TTC13: variants seen among roughly 807,000 people sequenced by gnomAD.
TTC13 encodes tetratricopeptide repeat domain 13, also known as tetratricopeptide repeat protein 13.
TTC13 carries 62 observed loss-of-function variants against 120.0 expected under a neutral mutation model. That is an observed-to-expected ratio of 0.52 (90% CI 0.42 to 0.64). The LOEUF (loss-of-function observed/expected upper bound fraction) is 0.64, where lower values mean the gene tolerates loss of function less well. Ranked by LOEUF, TTC13 falls within the 30% of genes least tolerant of loss-of-function variation. The pLI, the probability that TTC13 is intolerant of heterozygous loss-of-function variation, is 0.00. For missense variants in TTC13, 824 were observed against 1,050.2 expected (o/e 0.78, Z 2.98); for synonymous variants, 384 against 393.5 (o/e 0.98, Z 0.28).
rs1212351420 is a variant in TTC13, at chr1:230,943,826, C to T, written c.652G>A (p.Val218Ile). The stretch of plus-strand genomic sequence containing the variant: ...CTCACTTCTGCTCGCTGCTCAAATA[C>T]CTCTGGACGATCTGGTTCCAAGGTA... ...VITLEPDRPE[V>I]FEQRAEILSP... is the part of the protein sequence containing the mutation. Residue 218 changes from valine (V) to isoleucine (I), a missense_variant, in exon 6 of 23, where the codon GTA (valine) becomes ATA (isoleucine). This residue lies in a region of TTC13 where 430 missense variants were observed against 626.8 expected (regional missense o/e 0.69). Coordinates refer to ENST00000366661, the MANE Select transcript of TTC13 (RefSeq NM_024525.5). 1 of 1,611,176 alleles carries T rather than the reference C, an allele frequency of 6.2e-7. No individual in the cohort carries two copies.
chr1:230,950,514 T>C (rs193123726), intron 4 of TTC13, among the ~76,000 whole-genome samples: 1 of 152,166 alleles, frequency 6.6e-6, no homozygotes, highest in African/African-American at 2.4e-5. Flanking sequence ...TATTTACCAC[T>C]ACAAGGCTGG....
chr1:230,958,583 C>T (rs1049674532), intron 2 of TTC13, among the ~76,000 whole-genome samples: 1 of 152,172 alleles, frequency 6.6e-6, no homozygotes, highest in Admixed American at 6.6e-5. Context: ...TTTAACAATG[C>T]GTAAGGGTGT....
intron 18 of TTC13, among the ~76,000 whole-genome samples, chr1:230,915,793 C>CCA (rs1235019116): frequency 1.4e-5 from 2 of 146,438 alleles, no homozygotes; most frequent in Non-Finnish European, 3.1e-5. Context: ...CTCTCTCTCT[C>CCA]TCTCTATATA....
intron 9 of TTC13, 145 bp from the exon 10 acceptor site, chr1:230,932,022 A>G (rs572270568): frequency 2.8e-5 from 19 of 689,506 alleles, no homozygotes; most frequent in African/African-American, 2.5e-4. Flanking sequence ...AGCCTCTGAC[A>G]CATTACATTT....
At chr1:230,967,887 C>A (rs142817306) in intron 1 of TTC13, among the ~76,000 whole-genome samples, 1 of 152,166 alleles carries the variant, frequency 6.6e-6, no homozygotes, top group Admixed American at 6.5e-5. Flanking sequence ...TTGCTTACGT[C>A]GTACAAGTAA....
At chr1:230,910,603 G>A (rs1402548560) in intron 20 of TTC13, among the ~76,000 whole-genome samples, 3 of 152,242 alleles carry the variant, frequency 2.0e-5, no homozygotes, top group African/African-American at 7.2e-5. Context: ...AATGTCACAC[G>A]TGAGCCAGCA....
chr1:230,964,523 T>G (rs1676947621), intron 1 of TTC13, among the ~76,000 whole-genome samples: 1 of 152,188 alleles, frequency 6.6e-6, no homozygotes, highest in South Asian at 2.1e-4. Context: ...TGTAAATCAC[T>G]TATATCCTTT....
chr1:230,939,430 T>C lies in TTC13; in HGVS notation c.856A>G (p.Met286Val). The C allele has an allele frequency of 1.9e-6, 3 of 1,612,766 alleles. No homozygotes were observed. The highest frequency in any genetic ancestry group is 1.1e-5 in the South Asian group (1 of 90,916). ...AAGAAAGTTAAACCTTTGTATAGCATAGCTATAGGCTGGTTTTTGTTCAGT... is the reference window on the plus strand; with the variant it reads ...AAGAAAGTTAAACCTTTGTATAGCACAGCTATAGGCTGGTTTTTGTTCAGT... Reference protein sequence around the residue: ...LELNKNQPIAMLYKGLTFFHR... With the variant: ...LELNKNQPIAVLYKGLTFFHR... The change falls in exon 8 of 23, where the codon ATG becomes GTG. Residue 286 changes from methionine (M) to valine (V), a missense_variant. By Grantham distance (21) the Met-to-Val change is conservative. Coordinates refer to ENST00000366661, the MANE Select transcript of TTC13 (RefSeq NM_024525.5).
chr1:230,914,964 C>A (rs576091093), intron 18 of TTC13, among the ~76,000 whole-genome samples: 169 of 152,172 alleles, frequency 1.1e-3, no homozygotes, highest in Non-Finnish European at 1.7e-3. Flanking sequence ...GGAATCTGAT[C>A]TGAGGATACA....
At chr1:230,968,215 T>TAA (rs36025426) in intron 1 of TTC13, among the ~76,000 whole-genome samples, 10 of 143,610 alleles carry the variant, frequency 7.0e-5, no homozygotes, top group South Asian at 2.3e-4. Flanking sequence ...TTATTGTGGT[T>TAA]AAAAAAAAAA....
rs115481672 is a variant in TTC13 at position 230,912,507 on chromosome 1, C to T, written c.2229+116G>A. The T allele has an allele frequency of 3.0e-3, 3,610 of 1,206,074 alleles. 81 individuals carry two copies. The African/African-American group carries it at 0.049, about 17-fold the overall frequency. The allele number at this position is 1,206,074 out of a possible 1,614,324, so 74.7% of individuals were successfully genotyped here. ...TAAGAAATAAGAAATATTTTTAGGT[C>T]AATTCAACCCAATTTCAAGCATAAG... On this transcript the variant is annotated intron_variant, in intron 19 of 22. Coordinates refer to ENST00000366661, the MANE Select transcript of TTC13 (RefSeq NM_024525.5).
intron 1 of TTC13, among the ~76,000 whole-genome samples, chr1:230,973,572 G>T (rs912315411): frequency 6.6e-6 from 1 of 152,164 alleles, no homozygotes; most frequent in Non-Finnish European, 1.5e-5. Context: ...AGTGAAAAAA[G>T]GCTGAAGGCA....
chr1:230,973,524 A>G (rs1677968519), intron 1 of TTC13, among the ~76,000 whole-genome samples: 1 of 152,236 alleles, frequency 6.6e-6, no homozygotes, highest in Non-Finnish European at 1.5e-5. Flanking sequence ...ACTAATGAAA[A>G]TTAAGACATC....
intron 1 of TTC13, among the ~76,000 whole-genome samples, chr1:230,968,325 C>CA (rs1553299198): frequency 1.4e-5 from 1 of 72,670 alleles, no homozygotes; most frequent in East Asian, 3.6e-4. Context: ...CTTAATCATT[C>CA]TTTTTTTAAA....
rs1048867467 is a variant in TTC13 at position 230,916,120 on chromosome 1, T to C, written c.2093+73A>G. On this transcript the variant is annotated intron_variant, in intron 18 of 22. Transcript: ENST00000366661. ...GCAAAAGTTCAACACCACAAAACTCTATAGTGACAATAAGCACAGGCACCC... is the reference window on the plus strand; with the variant it reads ...GCAAAAGTTCAACACCACAAAACTCCATAGTGACAATAAGCACAGGCACCC... The C allele has an allele frequency of 3.6e-6, 4 of 1,122,542 alleles. No homozygotes were observed. The African/African-American group carries it at 6.1e-5, about 17-fold the overall frequency. The allele number at this position is 1,122,542 out of a possible 1,614,324, so 69.5% of individuals were successfully genotyped here. A position where few individuals can be genotyped will look rare whatever the true frequency, so the allele number is the denominator to read the frequency against.
intron 11 of TTC13, among the ~76,000 whole-genome samples, chr1:230,930,552 CT>C (rs1673443771): frequency 6.6e-6 from 1 of 152,136 alleles, no homozygotes; most frequent in South Asian, 2.1e-4. Context: ...TCTTCCTCAC[CT>C]CATATTTCTC....
intron 8 of TTC13, chr1:230,936,040 C>T: frequency 2.7e-6 from 1 of 373,618 alleles, no homozygotes; most frequent in African/African-American, 2.1e-5. Flanking sequence ...GAAAGGGCAG[C>T]TGCAGGTGGG....
At chr1:230,949,889 T>C (rs769225560) in intron 4 of TTC13, among the ~76,000 whole-genome samples, 10 of 152,322 alleles carry the variant, frequency 6.6e-5, no homozygotes, top group East Asian at 5.8e-4. Flanking sequence ...GACCTCGTGA[T>C]CCGCCCGCCT....
At chr1:230,910,420 CAGA>C (rs1040702546) in intron 20 of TTC13, among the ~76,000 whole-genome samples, 2 of 152,198 alleles carry the variant, frequency 1.3e-5, no homozygotes, top group Non-Finnish European at 2.9e-5. Context: ...CCATGGTTTT[CAGA>C]AGGTGCTGGA....
Sources: allele counts gnomAD v4.1 joint callset (sites outside exome capture counted in the v4.1 genomes callset), GRCh38; gene constraint gnomAD v4.1.1; regional missense constraint gnomAD v4.1.1; transcripts MANE v1.5; gene names NCBI Gene and HGNC (gene_info 2026-07-23, HGNC 2026-07-21).